TF: variants seen among roughly 807,000 people sequenced by gnomAD.
TF encodes serotransferrin.
In TF, 55 loss-of-function variants were observed where a neutral mutation model predicts 82.4. The ratio of observed to expected loss-of-function variants is 0.67; its 90% CI spans 0.54 to 0.84. TF has a LOEUF of 0.84. TF is among the 40% of genes least tolerant of loss of function. The pLI is 0.00. For missense variants in TF, 737 were observed against 868.4 expected (o/e 0.85, Z 1.90); for synonymous variants, 332 against 332.6 (o/e 1.00, Z 0.02).
the TF span, among the ~76,000 whole-genome samples, chr3:133,736,384 A>G: frequency 6.6e-6 from 1 of 152,194 alleles, no homozygotes; most frequent in Non-Finnish European, 1.5e-5. Flanking sequence ...CACTATGAAG[A>G]AACTGCATCA....
Position 133,785,341 on chromosome 3 carries a change from G to A in TF, c.*6721G>A, listed in dbSNP as rs1934641797. On this transcript the variant is annotated 3_prime_UTR_variant, in exon 17 of 17. Transcript: ENST00000402696. ...GCCCGACCAGCCGCCCCATCCGGGA[G>A]GGAGGTGGGGGGGTCAGCCCCCCGC... 2.6e-5 allele frequency: 3 copies of A among 117,146 alleles called. No homozygotes were observed. Among genetic ancestry groups the A allele is most frequent in the Non-Finnish European group, 3.6e-5 (2 of 55,066 alleles). 7.3% of individuals were successfully genotyped at this position (117,146 alleles called of 1,614,324 possible).
At chr3:133,733,257 C>T in the TF span, among the ~76,000 whole-genome samples, 1 of 145,756 alleles carries the variant, frequency 6.9e-6, no homozygotes, top group Non-Finnish European at 1.5e-5. Context: ...TACTATCTCA[C>T]CTGGGAGAGG....
At chr3:133,768,263 G>A (rs1487016808) in intron 13 of TF, 99 bp downstream of exon 13, 3 of 1,475,726 alleles carry the variant, frequency 2.0e-6, no homozygotes, top group Non-Finnish European at 2.8e-6. Flanking sequence ...TATTCCATTA[G>A]TGCGGCATGT....
rs1177072510 is a variant in TF, at chr3:133,790,437, A to C, written c.*11817A>C. ...AAAGAATAATTTAGAAGTTATCTAA[A>C]AGTTAGTTCAAATTACAGATTTGAA... On this transcript the variant is annotated 3_prime_UTR_variant, in exon 17 of 17. Coordinates refer to ENST00000402696, the MANE Select transcript of TF (RefSeq NM_001063.4). 2 of 152,214 alleles carry C rather than the reference A, an allele frequency of 1.3e-5. No individual in the cohort carries two copies. Among genetic ancestry groups the C allele is most frequent in the Non-Finnish European group, 2.9e-5 (2 of 68,038 alleles). The allele number at this position is 152,214 out of a possible 1,614,324, so 9.4% of individuals were successfully genotyped here. A position where few individuals can be genotyped will look rare whatever the true frequency, so the allele number is the denominator to read the frequency against.
chr3:133,754,254 CAT>C (rs1174727464), intron 3 of TF, among the ~76,000 whole-genome samples: 2 of 152,216 alleles, frequency 1.3e-5, no homozygotes, highest in Non-Finnish European at 2.9e-5. Flanking sequence ...ATTCAGGACA[CAT>C]GTGCGTGTGG....
chr3:133,730,086 C>T, the TF span, among the ~76,000 whole-genome samples: 1 of 152,164 alleles, frequency 6.6e-6, no homozygotes, highest in Non-Finnish European at 1.5e-5. Flanking sequence ...AAATGAGCTT[C>T]TATCTCAAGT....
chr3:133,728,433 C>T, the TF span, among the ~76,000 whole-genome samples: 4 of 151,898 alleles, frequency 2.6e-5, no homozygotes, highest in Non-Finnish European at 5.9e-5. Flanking sequence ...CCCTTTCTTC[C>T]AGTTCATTGC....
chr3:133,759,202 A>G lies in TF; in HGVS notation c.1076A>G (p.Lys359Arg), dbSNP rs1933917986. The change falls in exon 9 of 17, where the codon AAG becomes AGG. Residue 359 changes from lysine to arginine, a missense_variant. By Grantham distance (26) the Lys-to-Arg change is conservative (BLOSUM62 2). Transcript: ENST00000402696. ...CCAGAAGCCCCAACAGATGAATGCAAGCCTGTGAAGTGGTGTGCGCTGAGC... is the reference window on the plus strand; with the variant it reads ...CCAGAAGCCCCAACAGATGAATGCAGGCCTGTGAAGTGGTGTGCGCTGAGC... ...TCPEAPTDEC[K>R]PVKWCALSHH... is the part of the protein sequence containing the mutation. 6.2e-7 allele frequency: 1 copy of G among 1,614,078 alleles called. No homozygotes were observed. The highest frequency in any genetic ancestry group is 1.3e-5 in the African/African-American group (1 of 74,942).
intron 2 of TF, among the ~76,000 whole-genome samples, chr3:133,751,062 A>G (rs1364927398): frequency 6.6e-6 from 1 of 152,180 alleles, no homozygotes; most frequent in Non-Finnish European, 1.5e-5. Flanking sequence ...TACAACCCAA[A>G]TATCCATTGA....
chr3:133,738,791 C>A, the TF span, among the ~76,000 whole-genome samples: 1 of 152,144 alleles, frequency 6.6e-6, no homozygotes, highest in African/African-American at 2.4e-5. Flanking sequence ...GAACTACAAA[C>A]CACTGCTCAA....
the TF span, among the ~76,000 whole-genome samples, chr3:133,728,570 A>T: frequency 1.2e-4 from 19 of 152,216 alleles, no homozygotes; most frequent in African/African-American, 2.6e-4. Context: ...TTTTTTTCAA[A>T]GTTTATAACT....
the TF span, among the ~76,000 whole-genome samples, chr3:133,673,299 C>T: frequency 5.3e-5 from 8 of 152,160 alleles, no homozygotes; most frequent in Non-Finnish European, 7.3e-5. Context: ...TAAGGATGTG[C>T]ATAGGAAGGA....
Position 133,796,017 on chromosome 3 carries a change from C to G in TF, c.*17397C>G, listed in dbSNP as rs1003752684. The stretch of plus-strand genomic sequence containing the variant: ...TTAAGGAAACACATAGATCCTAGAA[C>G]AGACCACAGGCCAGGTTTTGTTTTT... On this transcript the variant is annotated 3_prime_UTR_variant, in exon 17 of 17. Transcript: ENST00000402696. The G allele has an allele frequency of 6.6e-6, 1 of 152,370 alleles. No homozygotes were observed. The highest frequency in any genetic ancestry group is 1.5e-5 in the Non-Finnish European group (1 of 68,086). 9.4% of individuals were successfully genotyped at this position (152,370 alleles called of 1,614,324 possible). A position where few individuals can be genotyped will look rare whatever the true frequency, so the allele number is the denominator to read the frequency against.
chr3:133,728,772 C>T, the TF span, among the ~76,000 whole-genome samples: 1 of 152,074 alleles, frequency 6.6e-6, no homozygotes, highest in African/African-American at 2.4e-5. Context: ...GTTTTTTCCC[C>T]ATCTTTGTGG....
At chr3:133,672,051 A>G in the TF span, among the ~76,000 whole-genome samples, 1 of 151,710 alleles carries the variant, frequency 6.6e-6, no homozygotes, top group Non-Finnish European at 1.5e-5. Flanking sequence ...ACTAAATACC[A>G]TATACTAAAA....
At chr3:133,767,912 C>G (rs537779514) in intron 12 of TF, 117 bp from the exon 13 acceptor site, 67 of 1,347,678 alleles carry the variant, frequency 5.0e-5, no homozygotes, top group Non-Finnish European at 6.9e-5. Flanking sequence ...GGTGGCTGGT[C>G]ACAGAATTAA....
chr3:133,745,275 T>C (rs1933468555), upstream of TF, among the ~76,000 whole-genome samples: 1 of 152,242 alleles, frequency 6.6e-6, no homozygotes, highest in Non-Finnish European at 1.5e-5. Context: ...CTGGTCAGGT[T>C]GGATAAGAAG....
At chr3:133,774,829 G>A in intron 14 of TF, 1 of 230,936 alleles carries the variant, frequency 4.3e-6, no homozygotes, top group Non-Finnish European at 9.1e-6. Flanking sequence ...AGTGGCTCAG[G>A]AGGAAGGAGC....
the TF span, among the ~76,000 whole-genome samples, chr3:133,698,962 G>GC: frequency 3.9e-5 from 6 of 152,336 alleles, no homozygotes; most frequent in Middle Eastern, 3.4e-3. Flanking sequence ...AGGGAATGTG[G>GC]CCCCTTTAGT....
Sources: gnomAD v4.1 joint callset for allele counts (sites outside exome capture counted in the v4.1 genomes callset) on GRCh38, gnomAD v4.1.1 for gene constraint, MANE v1.5 for transcripts, NCBI Gene and HGNC (gene_info 2026-07-23, HGNC 2026-07-21) for gene names.